The following LRRC37A2 variants were observed in gnomAD, a reference collection of about 807,000 sequenced individuals.
LRRC37A2 encodes the protein leucine rich repeat containing 37 member A2, also known as leucine-rich repeat-containing protein 37A2.
Under a neutral mutation model 68.8 loss-of-function variants are expected in LRRC37A2, and 9 were observed. The ratio of observed to expected loss-of-function variants is 0.13; its 90% CI spans 0.08 to 0.23. LRRC37A2 has a LOEUF of 0.23. Among genes scored for constraint, LRRC37A2 ranks in the 10% least tolerant of loss-of-function variants. The pLI is 1.00. For missense variants in LRRC37A2, 168 were observed against 950.4 expected (o/e 0.18, Z 10.82); for synonymous variants, 63 against 367.6 (o/e 0.17, Z 9.48).
At chr17:46,933,630 C>CATTTTTTTTTTTTTTTTTTTTT in the LRRC37A2 span, 1 of 35,002 alleles carries the variant, frequency 2.9e-5, no homozygotes, top group African/African-American at 7.6e-5. Context: ...AGTGGCATAA[C>CATTTTTTTTTTTTTTTTTTTTT]CTTTTTTTTT....
At chr17:46,883,477 G>C in the LRRC37A2 span, among the ~76,000 whole-genome samples, 10 of 151,724 alleles carry the variant, frequency 6.6e-5, no homozygotes, top group African/African-American at 2.4e-4. Context: ...TAGAGACGGG[G>C]TTTCACCATG....
chr17:46,999,352 G>A, the LRRC37A2 span, among the ~76,000 whole-genome samples: 23 of 152,162 alleles, frequency 1.5e-4, no homozygotes, highest in Non-Finnish European at 2.4e-4. Context: ...CTCAATGTGT[G>A]TCCACAGTTG....
At chr17:46,918,166 G>A in the LRRC37A2 span, among the ~76,000 whole-genome samples, 5,059 of 152,256 alleles carry the variant, frequency 0.033, 164 homozygotes, top group African/African-American at 0.082. Context: ...CGCAACCTCC[G>A]CCTCCCGGGT....
chr17:46,841,910 T>C, the LRRC37A2 span, among the ~76,000 whole-genome samples: 8 of 152,230 alleles, frequency 5.3e-5, no homozygotes, highest in African/African-American at 1.9e-4. Context: ...GGGGGGTCTC[T>C]GGTCCGCGAG....
chr17:46,881,440 G>A, the LRRC37A2 span, among the ~76,000 whole-genome samples: 1 of 152,228 alleles, frequency 6.6e-6, no homozygotes, highest in African/African-American at 2.4e-5. Flanking sequence ...TCACAAGGTG[G>A]ACACCCTTCT....
chr17:46,910,069 G>C, the LRRC37A2 span: 450 of 154,956 alleles, frequency 2.9e-3, 2 homozygotes, highest in South Asian at 4.2e-3. Context: ...GAGTAGGAAG[G>C]GGGGCACTGG....
chr17:47,027,348 A>G, the LRRC37A2 span, among the ~76,000 whole-genome samples: 2 of 152,178 alleles, frequency 1.3e-5, no homozygotes, highest in African/African-American at 4.8e-5. Context: ...AAAGTCTATT[A>G]TGTTGTATAT....
At chr17:46,727,905 G>C in the LRRC37A2 span, among the ~76,000 whole-genome samples, 10 of 152,124 alleles carry the variant, frequency 6.6e-5, no homozygotes, top group Non-Finnish European at 1.5e-4. Context: ...AAGTATTAGA[G>C]TCTCAGAAAA....
chr17:46,392,429 C>CTTTCTTTCTT, the LRRC37A2 span, among the ~76,000 whole-genome samples: 3 of 27,046 alleles, frequency 1.1e-4, 1 homozygote, highest in African/African-American at 2.4e-4. Context: ...CTCTTTCTTT[C>CTTTCTTTCTT]TCTCTTTCTT....
chr17:47,023,289 G>C, the LRRC37A2 span, among the ~76,000 whole-genome samples: 7 of 152,120 alleles, frequency 4.6e-5, no homozygotes, highest in South Asian at 1.5e-3. Flanking sequence ...AAGTGATTTT[G>C]GAAAAAATGC....
chr17:46,881,604 C>T, the LRRC37A2 span, among the ~76,000 whole-genome samples: 1 of 152,206 alleles, frequency 6.6e-6, no homozygotes, highest in Non-Finnish European at 1.5e-5. Flanking sequence ...TCATCTGAGC[C>T]TTACTTTGTT....
chr17:46,882,436 T>G, the LRRC37A2 span, among the ~76,000 whole-genome samples: 1 of 152,212 alleles, frequency 6.6e-6, no homozygotes, highest in African/African-American at 2.4e-5. Context: ...TCCTATTCTG[T>G]GCATGCTGTA....
the LRRC37A2 span, chr17:47,018,908 T>C: frequency 6.6e-7 from 1 of 1,519,310 alleles, no homozygotes; most frequent in East Asian, 2.3e-5. Context: ...AGACCCCAAC[T>C]CAGCCTCCTA....
At chr17:46,863,722 C>G in the LRRC37A2 span, among the ~76,000 whole-genome samples, 1 of 152,074 alleles carries the variant, frequency 6.6e-6, no homozygotes, top group Non-Finnish European at 1.5e-5. Context: ...GGGGTCGGAC[C>G]GAGTTAGACA....
At chr17:46,938,441 A>G in the LRRC37A2 span, among the ~76,000 whole-genome samples, 3 of 152,206 alleles carry the variant, frequency 2.0e-5, no homozygotes, top group African/African-American at 7.2e-5. Flanking sequence ...AGTCGACGAC[A>G]TGAGAGTGGC....
At chr17:46,856,796 T>C in the LRRC37A2 span, among the ~76,000 whole-genome samples, 3 of 152,182 alleles carry the variant, frequency 2.0e-5, no homozygotes, top group Admixed American at 2.0e-4. Flanking sequence ...TGCATGCATT[T>C]TAAATTGCAC....
the LRRC37A2 span, chr17:46,978,696 C>A: frequency 6.2e-7 from 1 of 1,611,676 alleles, no homozygotes. Context: ...GCCGGCGCTC[C>A]TGCACCAGAA....
At chr17:46,994,723 C>T in the LRRC37A2 span, among the ~76,000 whole-genome samples, 1 of 152,102 alleles carries the variant, frequency 6.6e-6, no homozygotes, top group South Asian at 2.1e-4. Flanking sequence ...AGTTGTCGGC[C>T]TCTGAGTCTG....
the LRRC37A2 span, among the ~76,000 whole-genome samples, chr17:46,945,271 G>C: frequency 1.3e-5 from 2 of 152,186 alleles, no homozygotes; most frequent in Admixed American, 6.5e-5. Context: ...CCGTGTTCCA[G>C]CTGGGAAACT....
Sources: gnomAD v4.1 joint callset for allele counts (sites outside exome capture counted in the v4.1 genomes callset) on GRCh38, gnomAD v4.1.1 for gene constraint, MANE v1.5 for transcripts, NCBI Gene and HGNC (gene_info 2026-07-23, HGNC 2026-07-21) for gene names.